The following PCDH9 variants were observed in gnomAD, a reference collection of about 807,000 sequenced individuals.
PCDH9 encodes protocadherin-9.
In PCDH9, 24 loss-of-function variants were observed where a neutral mutation model predicts 70.6. The ratio of observed to expected loss-of-function variants is 0.34; its 90% CI spans 0.25 to 0.48. PCDH9 has a LOEUF of 0.48. PCDH9 is among the 20% of genes least tolerant of loss of function. PCDH9 has a pLI of 0.99. For missense variants in PCDH9, 1,281 were observed against 1,503.6 expected, an observed-to-expected ratio of 0.85 and a Z score of 2.45; for synonymous variants, 562 against 558.5, an observed-to-expected ratio of 1.01 and a Z score of -0.09.
chr13:66,488,682 T>C (rs532979989), intron 4 of PCDH9, among the ~76,000 whole-genome samples: 3 of 152,274 alleles, frequency 2.0e-5, no homozygotes, highest in Non-Finnish European at 2.9e-5. Flanking sequence ...AAGAGATATA[T>C]ACAGGTCCAC....
At chr13:67,068,465 T>A (rs770116950) in intron 2 of PCDH9, among the ~76,000 whole-genome samples, 34 of 152,106 alleles carry the variant, frequency 2.2e-4, no homozygotes, top group Non-Finnish European at 4.6e-4. Flanking sequence ...CAATGTTTAG[T>A]CTGTTTAGAA....
intron 2 of PCDH9, among the ~76,000 whole-genome samples, chr13:66,931,981 C>T (rs910937250): frequency 4.6e-5 from 7 of 151,970 alleles, no homozygotes; most frequent in Non-Finnish European, 7.4e-5. Flanking sequence ...TGTTTGCTTC[C>T]TTGTGTTTGA....
At chr13:66,308,187 T>C (rs559583546) in intron 4 of PCDH9, among the ~76,000 whole-genome samples, 1 of 152,094 alleles carries the variant, frequency 6.6e-6, no homozygotes, top group Non-Finnish European at 1.5e-5. Context: ...ATAGACTTTG[T>C]GCTAAGGTAC....
chr13:66,719,282 G>C (rs1473869795), intron 3 of PCDH9, among the ~76,000 whole-genome samples: 1 of 152,082 alleles, frequency 6.6e-6, no homozygotes. Context: ...ATGGATTAAA[G>C]ATTGCTGTGG....
intron 2 of PCDH9, among the ~76,000 whole-genome samples, chr13:66,918,044 T>C (rs1266899079): frequency 2.0e-5 from 3 of 151,320 alleles, no homozygotes; most frequent in African/African-American, 4.8e-5. Flanking sequence ...CCCAGGGATT[T>C]TGTGAACATT....
At chr13:66,477,518 G>A (rs1290603900) in intron 4 of PCDH9, among the ~76,000 whole-genome samples, 2 of 152,058 alleles carry the variant, frequency 1.3e-5, no homozygotes, top group Non-Finnish European at 2.9e-5. Flanking sequence ...GACATTTTGG[G>A]TTTGAATTAT....
chr13:66,774,402 G>C (rs1566185162), intron 3 of PCDH9, among the ~76,000 whole-genome samples: 2 of 148,446 alleles, frequency 1.3e-5, no homozygotes, highest in South Asian at 4.3e-4. Context: ...TCATGCAGAA[G>C]AAAGAGGGGG....
intron 2 of PCDH9, among the ~76,000 whole-genome samples, chr13:67,111,716 T>A (rs2086662645): frequency 6.6e-6 from 1 of 152,196 alleles, no homozygotes; most frequent in East Asian, 1.9e-4. Context: ...TGTCAAGTCT[T>A]ATTTTTGAGT....
At chr13:67,125,876 T>A (rs555808260) in intron 2 of PCDH9, among the ~76,000 whole-genome samples, 1 of 152,110 alleles carries the variant, frequency 6.6e-6, no homozygotes, top group Admixed American at 6.6e-5. Context: ...TATGTATGCA[T>A]GTGTATATAT....
chr13:66,669,428 CT>C (rs143730657), intron 3 of PCDH9, among the ~76,000 whole-genome samples: 1 of 151,902 alleles, frequency 6.6e-6, no homozygotes, highest in African/African-American at 2.4e-5. Context: ...AGTCTTCTAT[CT>C]TTTTTTTGTT....
intron 2 of PCDH9, among the ~76,000 whole-genome samples, chr13:67,025,025 T>G (rs2084752183): frequency 6.6e-6 from 1 of 152,114 alleles, no homozygotes; most frequent in Non-Finnish European, 1.5e-5. Context: ...AAGTATTTTC[T>G]AAGAACCAAT....
intron 2 of PCDH9, among the ~76,000 whole-genome samples, chr13:67,146,488 T>C (rs1311797165): frequency 6.6e-6 from 1 of 152,202 alleles, no homozygotes; most frequent in Non-Finnish European, 1.5e-5. Flanking sequence ...AGGATGATTG[T>C]CCTTGGTTTG....
chr13:67,059,822 G>A lies in PCDH9; in HGVS notation c.3037-156217C>T, dbSNP rs139650769. Reference sequence around the variant, plus strand: ...TCTCAGAGGTGTTTACTGCCTTAACGGCATCCATAACAACAACATTTTGTA... The same window carrying A: ...TCTCAGAGGTGTTTACTGCCTTAACAGCATCCATAACAACAACATTTTGTA... On this transcript the variant is annotated intron_variant, in intron 2 of 4. Transcript: ENST00000377865. 3.5e-3 allele frequency among the ~76,000 whole-genome samples: 531 copies of A among 151,068 alleles called. 18 individuals carry two copies. In the East Asian group the frequency reaches 0.086, roughly 24 times the overall value.
chr13:66,857,655 G>A (rs970538031), intron 3 of PCDH9, among the ~76,000 whole-genome samples: 1 of 151,854 alleles, frequency 6.6e-6, no homozygotes, highest in Non-Finnish European at 1.5e-5. Flanking sequence ...CTTTATTTGG[G>A]GGCTGTATAT....
chr13:66,809,624 A>G (rs904964996), intron 3 of PCDH9, among the ~76,000 whole-genome samples: 1 of 151,714 alleles, frequency 6.6e-6, no homozygotes, highest in Admixed American at 6.6e-5. Flanking sequence ...GTGCATGATT[A>G]TAACAGTTTA....
At chr13:66,968,345 A>G (rs1188255144) in intron 2 of PCDH9, among the ~76,000 whole-genome samples, 1 of 152,014 alleles carries the variant, frequency 6.6e-6, no homozygotes, top group Non-Finnish European at 1.5e-5. Flanking sequence ...AATTACCCCC[A>G]TGGCTTTGTA....
intron 2 of PCDH9, among the ~76,000 whole-genome samples, chr13:67,014,822 C>T (rs1005267608): frequency 2.6e-5 from 4 of 152,016 alleles, no homozygotes; most frequent in Non-Finnish European, 2.9e-5. Context: ...CTTAAAATAT[C>T]CTCCATGTTC....
chr13:66,483,410 T>G (rs1958877154), intron 4 of PCDH9, among the ~76,000 whole-genome samples: 1 of 152,180 alleles, frequency 6.6e-6, no homozygotes, highest in African/African-American at 2.4e-5. Context: ...AACCACACCT[T>G]CACCAATACA....
At chr13:66,878,548 A>G (rs1429932564) in intron 3 of PCDH9, among the ~76,000 whole-genome samples, 1 of 152,182 alleles carries the variant, frequency 6.6e-6, no homozygotes, top group East Asian at 1.9e-4. Context: ...TTTTAAAAAG[A>G]AAAAATCTTG....
Sources: allele counts gnomAD v4.1 joint callset (sites outside exome capture counted in the v4.1 genomes callset), GRCh38; gene constraint gnomAD v4.1.1; transcripts MANE v1.5; gene names NCBI Gene and HGNC (gene_info 2026-07-23, HGNC 2026-07-21).